The following ZFAT variants were observed in gnomAD, a reference collection of about 807,000 sequenced individuals.
ZFAT encodes the protein zinc finger and AT-hook domain containing.
Under a neutral mutation model 117.7 loss-of-function variants are expected in ZFAT, and 64 were observed. The observed-to-expected ratio is 0.54, with a 90% CI of 0.44 to 0.67. The LOEUF (loss-of-function observed/expected upper bound fraction) is 0.67. Among genes scored for constraint, ZFAT ranks in the 30% least tolerant of loss-of-function variants. ZFAT has a pLI of 0.00. For missense variants in ZFAT, 1,433 were observed against 1,584.5 expected (o/e 0.90, Z 1.62); for synonymous variants, 679 against 615.0 (o/e 1.10, Z -1.54).
chr8:134,760,453 A>G, the ZFAT span, among the ~76,000 whole-genome samples: 3 of 152,190 alleles, frequency 2.0e-5, no homozygotes, highest in Non-Finnish European at 4.4e-5. Flanking sequence ...AGAGAGGACC[A>G]CACTTACCTC....
chr8:134,551,640 A>G (rs74840369), intron 11 of ZFAT, among the ~76,000 whole-genome samples: 4,841 of 152,208 alleles, frequency 0.032, 267 homozygotes, highest in African/African-American at 0.11. Context: ...TGGCTTCCAA[A>G]CAATCTGCTT....
the ZFAT span, among the ~76,000 whole-genome samples, chr8:134,831,794 G>T: frequency 6.6e-6 from 1 of 151,502 alleles, no homozygotes; most frequent in African/African-American, 2.4e-5. Flanking sequence ...AGCCCCCCAC[G>T]ACTCGGACGC....
intron 1 of ZFAT, among the ~76,000 whole-genome samples, chr8:134,658,133 C>A (rs370673391): frequency 1.2e-4 from 19 of 152,124 alleles, no homozygotes; most frequent in African/African-American, 4.6e-4. Flanking sequence ...GTCAGGAGAT[C>A]GAGACCATCC....
the ZFAT span, among the ~76,000 whole-genome samples, chr8:134,813,135 T>A: frequency 1.1e-4 from 16 of 152,218 alleles, no homozygotes; most frequent in African/African-American, 2.7e-4. Context: ...ATTCACCCTT[T>A]CACAGAAAAT....
intron 10 of ZFAT, among the ~76,000 whole-genome samples, chr8:134,567,070 T>C (rs1305899486): frequency 6.6e-6 from 1 of 152,212 alleles, no homozygotes; most frequent in Non-Finnish European, 1.5e-5. Flanking sequence ...GATGCCAAAA[T>C]CAGCATCTTC....
At chr8:134,655,446 G>C (rs1831539137) in intron 2 of ZFAT, among the ~76,000 whole-genome samples, 1 of 152,168 alleles carries the variant, frequency 6.6e-6, no homozygotes. Flanking sequence ...CTAGGAGTTT[G>C]AGACCAGCCT....
chr8:134,630,395 T>G (rs1829806020), intron 3 of ZFAT, among the ~76,000 whole-genome samples: 1 of 152,222 alleles, frequency 6.6e-6, no homozygotes, highest in African/African-American at 2.4e-5. Flanking sequence ...AAAAACATTT[T>G]CAGTCATGGC....
At chr8:134,546,825 C>T (rs944308067) in intron 11 of ZFAT, among the ~76,000 whole-genome samples, 7 of 152,196 alleles carry the variant, frequency 4.6e-5, no homozygotes, top group African/African-American at 1.7e-4. Flanking sequence ...CTAATGTAAA[C>T]AGAGCAGTCT....
At chr8:134,757,431 G>T in the ZFAT span, among the ~76,000 whole-genome samples, 2 of 152,060 alleles carry the variant, frequency 1.3e-5, no homozygotes, top group Non-Finnish European at 2.9e-5. Flanking sequence ...GTTGGTAAGA[G>T]AAGTGATCCT....
chr8:134,523,259 G>A (rs1266978701), intron 12 of ZFAT, among the ~76,000 whole-genome samples: 3 of 152,092 alleles, frequency 2.0e-5, no homozygotes, highest in Admixed American at 1.3e-4. Flanking sequence ...ACTCTGTCCC[G>A]TGTCGCCTAG....
intron 1 of ZFAT, among the ~76,000 whole-genome samples, chr8:134,690,121 C>A (rs568576403): frequency 3.3e-5 from 5 of 152,244 alleles, no homozygotes; most frequent in African/African-American, 1.2e-4. Flanking sequence ...AGGCATGAAC[C>A]CAGTATTCAC....
In ZFAT at chr8:134,602,597, T is replaced by C. The variant is rs771859136; in HGVS notation, c.1122A>G (p.Arg374=). 3 of 1,614,170 alleles carry C rather than the reference T, an allele frequency of 1.9e-6. No individual in the cohort carries two copies. The East Asian group carries it at 6.7e-5, about 36-fold the overall frequency. ...TCTTGTCCTGTGGGTCATGCGCGTCTCGGATGTGCTTGATGAGGTTCTTGA... is the reference window on the plus strand; with the variant it reads ...TCTTGTCCTGTGGGTCATGCGCGTCCCGGATGTGCTTGATGAGGTTCTTGA... ...SDVKNLIKHI[R]DAHDPQDKKV... Residue 374 remains arginine (R), a synonymous_variant, in exon 6 of 16, where the codon CGA becomes CGG. Coordinates refer to ENST00000377838, the MANE Select transcript of ZFAT (RefSeq NM_020863.4).
At chr8:134,783,480 C>T in the ZFAT span, among the ~76,000 whole-genome samples, 2 of 152,150 alleles carry the variant, frequency 1.3e-5, no homozygotes, top group African/African-American at 4.8e-5. Flanking sequence ...CCCCCTTACC[C>T]CTGTCCATGG....
chr8:134,599,708 T>G, intron 7 of ZFAT: 1 of 440,882 alleles, frequency 2.3e-6, no homozygotes, highest in South Asian at 1.6e-5. Flanking sequence ...TAAAAAGGCA[T>G]TCAATTAAAA....
At chr8:134,691,345 C>CA (rs1833573363) in intron 1 of ZFAT, among the ~76,000 whole-genome samples, 3 of 50,418 alleles carry the variant, frequency 6.0e-5, no homozygotes, top group African/African-American at 1.0e-4. Context: ...CATGCTCAGG[C>CA]GGGGCTCAGG....
the ZFAT span, among the ~76,000 whole-genome samples, chr8:134,719,247 G>A: frequency 5.3e-5 from 8 of 152,194 alleles, no homozygotes; most frequent in Non-Finnish European, 1.2e-4. Context: ...TCCAGGTCTG[G>A]TCCTCCTTTT....
At chr8:134,512,722 A>C in intron 13 of ZFAT, 121 bp from the exon 14 acceptor site, 601 of 1,265,068 alleles carry the variant, frequency 4.8e-4, no homozygotes, top group Non-Finnish European at 6.1e-4. Context: ...GCAACATCTC[A>C]TTTACCTGGC....
the ZFAT span, among the ~76,000 whole-genome samples, chr8:134,813,869 A>C: frequency 6.6e-6 from 1 of 150,874 alleles, no homozygotes. Flanking sequence ...AGATTAAAAA[A>C]TATATATATT....
chr8:134,614,695 A>C (rs1265520091), intron 3 of ZFAT, among the ~76,000 whole-genome samples: 2 of 152,218 alleles, frequency 1.3e-5, no homozygotes, highest in African/African-American at 4.8e-5. Context: ...GCTAGGACCA[A>C]TGGGTAGAGT....
Sources: gnomAD v4.1 joint callset for allele counts (sites outside exome capture counted in the v4.1 genomes callset) on GRCh38, gnomAD v4.1.1 for gene constraint, MANE v1.5 for transcripts, NCBI Gene and HGNC (gene_info 2026-07-23, HGNC 2026-07-21) for gene names.